The following FLOT1 variants were observed in gnomAD, a reference collection of about 807,000 sequenced individuals.
FLOT1 encodes the protein flotillin 1.
FLOT1 carries 40 observed loss-of-function variants against 58.4 expected under a neutral mutation model. The ratio of observed to expected loss-of-function variants is 0.69; its 90% CI spans 0.53 to 0.89. The LOEUF is 0.89. Ranked by LOEUF, FLOT1 falls within the 40% of genes least tolerant of loss-of-function variation. FLOT1 has a pLI of 0.00. For missense variants in FLOT1, 423 were observed against 540.8 expected (o/e 0.78, Z 2.16); for synonymous variants, 178 against 204.2 (o/e 0.87, Z 1.09).
Position 30,730,920 on chromosome 6 carries a change from T to C in FLOT1, c.904A>G (p.Lys302Glu). The C allele has an allele frequency of 1.2e-6, 2 of 1,611,066 alleles. No individual in the cohort carries two copies. The highest frequency in any genetic ancestry group is 1.7e-6 in the Non-Finnish European group (2 of 1,177,976). ...CAGGGTCAGGGAGGGGACATTTACT[T>C]CTCTGCCTCGGCTAGGCGCTCCAGC... The part of the protein sequence containing the change: ...YKLERLAEAE[K>E]SQLIMQAEAE... Residue 302 changes from lysine (K) to glutamate (E), a missense_variant and splice_region_variant, in exon 9 of 13, where the codon AAG becomes GAG. Physicochemically the swap from Lys to Glu is moderately conservative, Grantham distance 56. Coordinates refer to ENST00000376389, the MANE Select transcript of FLOT1 (RefSeq NM_005803.4).
At chr6:30,733,422 T>C (rs911452744) in intron 8 of FLOT1, among the ~76,000 whole-genome samples, 1 of 152,166 alleles carries the variant, frequency 6.6e-6, no homozygotes, top group Middle Eastern at 3.2e-3. Context: ...AAGGCATTCC[T>C]CCATGGTTTT....
Position 30,741,289 on chromosome 6 carries a change from A to G in FLOT1, c.255T>C (p.Cys85=). 1 of 1,613,076 alleles carries G rather than the reference A, an allele frequency of 6.2e-7. No homozygotes were observed. The highest frequency in any genetic ancestry group is 2.2e-5 in the East Asian group (1 of 44,876). Residue 85 remains cysteine, a synonymous_variant, in exon 5 of 13, where the codon TGT becomes TGC. Transcript: ENST00000376389. The surrounding 1 kb of genome is among the most constrained non-coding windows in gnomAD (Gnocchi z 5.9). ...CCTCCGTCTTCCCCAGGAACATCTG[A>G]CAGGCGGCCGCCAACATCTCCTTGT... ...GQNKEMLAAA[C]QMFLGKTEAE...
In FLOT1 at chr6:30,742,224, G is replaced by A. The variant is rs748747762; in HGVS notation, c.-14-21C>T. The A allele has an allele frequency of 4.4e-6, 7 of 1,583,190 alleles. No individual in the cohort carries two copies. The highest frequency in any genetic ancestry group is 6.1e-6 in the Non-Finnish European group (7 of 1,152,822). ...TGGAGCTGGAGGAGAGGGAGGGAAA[G>A]CCTTTGCGGATGGGGAAGGCGCGCT... On this transcript the variant is annotated intron_variant, in intron 1 of 12. Coordinates refer to ENST00000376389, the MANE Select transcript of FLOT1 (RefSeq NM_005803.4). The surrounding 1 kb of genome is among the most constrained non-coding windows in gnomAD (Gnocchi z 5.2).
intron 8 of FLOT1, among the ~76,000 whole-genome samples, chr6:30,732,892 C>T (rs1451170336): frequency 6.6e-6 from 1 of 152,186 alleles, no homozygotes; most frequent in Non-Finnish European, 1.5e-5. Context: ...TCACCTCTCT[C>T]CTGTGTCCCT....
At chr6:30,733,638 A>AGCTGAGG (rs1258947980) in intron 8 of FLOT1, among the ~76,000 whole-genome samples, 1 of 151,438 alleles carries the variant, frequency 6.6e-6, no homozygotes, top group African/African-American at 2.4e-5. Flanking sequence ...CTACTTGGGA[A>AGCTGAGG]GCTGAGGTAG....
intron 12 of FLOT1, among the ~76,000 whole-genome samples, chr6:30,728,462 C>T (rs369386939): frequency 6.7e-5 from 10 of 150,072 alleles, no homozygotes; most frequent in African/African-American, 2.0e-4. Flanking sequence ...TATTTACATA[C>T]GCTTTTTTTT....
At chr6:30,731,194 G>C in intron 8 of FLOT1, 94 bp from the exon 9 acceptor site, 8 of 1,333,034 alleles carry the variant, frequency 6.0e-6, no homozygotes, top group Non-Finnish European at 8.1e-6. Context: ...TATAAAAATA[G>C]GAGCCGGTGG....
rs1185138139 is a variant in FLOT1, at chr6:30,740,477, C to A, written c.570+19G>T. 6.2e-7 allele frequency: 1 copy of A among 1,610,082 alleles called. No homozygotes were observed. The highest frequency in any genetic ancestry group is 1.1e-5 in the South Asian group (1 of 90,978). On this transcript the variant is annotated intron_variant, in intron 7 of 12. Transcript: ENST00000376389. ...CACTTCTATCCCCTTTCCCACTAAG[C>A]AACCCCCATCTCTCTCACCCGGATC...
In FLOT1 at chr6:30,742,099, C is replaced by T. The variant is rs774867489; in HGVS notation, c.43+48G>A. 1 of 1,596,558 alleles carries T rather than the reference C, an allele frequency of 6.3e-7. No individual in the cohort carries two copies. Among genetic ancestry groups the T allele is most frequent in the Non-Finnish European group, 8.6e-7 (1 of 1,166,184 alleles). On this transcript the variant is annotated intron_variant, in intron 2 of 12. Coordinates refer to ENST00000376389, the MANE Select transcript of FLOT1 (RefSeq NM_005803.4). This position sits in a 1 kb window ranked among gnomAD's most constrained non-coding sequence, Gnocchi z 5.2. Reference sequence around the variant, plus strand: ...AGGGAGAAGGGGCAGAGGCCAGACTCACAGGGGTTCTGGGGTCACTGGCTG... The same window carrying T: ...AGGGAGAAGGGGCAGAGGCCAGACTTACAGGGGTTCTGGGGTCACTGGCTG...
rs1432791722 is a variant in FLOT1 at position 30,741,577 on chromosome 6, G to A, written c.210+37C>T. 1.4e-6 allele frequency: 2 copies of A among 1,473,128 alleles called. No individual in the cohort carries two copies. The highest frequency in any genetic ancestry group is 1.9e-6 in the Non-Finnish European group (2 of 1,053,116). 91.3% of individuals were successfully genotyped at this position (1,473,128 alleles called of 1,614,324 possible). ...AATGTCTGGGAGAGAGGGTGATGGG[G>A]AAGTGGACTGTGGGGAAAAGGCTCT... On this transcript the variant is annotated intron_variant, in intron 4 of 12. Transcript: ENST00000376389. The surrounding 1 kb of genome is among the most constrained non-coding windows in gnomAD (Gnocchi z 5.9).
intron 10 of FLOT1, 24 bp from the exon 11 acceptor site, chr6:30,730,589 G>A: frequency 6.2e-7 from 1 of 1,613,594 alleles, no homozygotes; most frequent in South Asian, 1.1e-5. Context: ...ATGCTTGTGA[G>A]ATTGACGGAA....
chr6:30,735,267 C>T (rs1777484474), intron 8 of FLOT1, among the ~76,000 whole-genome samples: 1 of 151,950 alleles, frequency 6.6e-6, no homozygotes, highest in Admixed American at 6.6e-5. Context: ...TAGGTCCTCA[C>T]CTGTGCTGGG....
At chr6:30,739,938 A>G (rs1777846795) in intron 8 of FLOT1, among the ~76,000 whole-genome samples, 1 of 152,254 alleles carries the variant, frequency 6.6e-6, no homozygotes, top group Non-Finnish European at 1.5e-5. Context: ...CTGGGATTAC[A>G]GGCATGAGTC....
intron 8 of FLOT1, 78 bp from the exon 9 acceptor site, chr6:30,731,178 G>A (rs1180372452): frequency 7.0e-6 from 10 of 1,426,594 alleles, no homozygotes; most frequent in Non-Finnish European, 9.4e-6. Flanking sequence ...GAGCTCCAGA[G>A]TGGGATATAA....
chr6:30,736,194 G>A (rs1355761370), intron 8 of FLOT1: 1 of 152,198 alleles, frequency 6.6e-6, no homozygotes, highest in Non-Finnish European at 1.5e-5. Context: ...TGAAGCTGTA[G>A]TGAGCTGAGA....
rs1160906464 is a variant in FLOT1 at position 30,740,735 on chromosome 6, C to A, written c.418G>T (p.Val140Phe). 1 of 1,612,918 alleles carries A rather than the reference C, an allele frequency of 6.2e-7. No homozygotes were observed. Residue 140 changes from valine (V) to phenylalanine (F), a missense_variant, in exon 6 of 13, where the codon GTC (valine) becomes TTC (phenylalanine). Physicochemically the swap from Val to Phe is conservative, Grantham distance 50. Transcript: ENST00000376389. ...CTAACCACACTGATGCCCATGTTGA[C>A]CAGGTCTGAGGAGGCCACTTTGAAA... ...QVFKVASSDL[V>F]NMGISVVSYT...
Position 30,741,717 on chromosome 6 carries a change from G to GA in FLOT1, c.120-14dup. Reference sequence around the variant, plus strand: ...GTTGAGAGAGATCCTAGGGGAAAAAGAAGGGACAGACAGTAAGAAGAGGAG... The same window carrying GA: ...GTTGAGAGAGATCCTAGGGGAAAAAGAAAGGGACAGACAGTAAGAAGAGGAG... On this transcript the variant is annotated splice_polypyrimidine_tract_variant and intron_variant, in intron 3 of 12. Transcript: ENST00000376389. This position sits in a 1 kb window ranked among gnomAD's most constrained non-coding sequence, Gnocchi z 5.9. 1 of 1,611,818 alleles carries GA rather than the reference G, an allele frequency of 6.2e-7. No individual in the cohort carries two copies. The highest frequency in any genetic ancestry group is 8.5e-7 in the Non-Finnish European group (1 of 1,178,906).
At position 30,728,062 on chromosome 6, in the gene FLOT1, G is replaced by A. The variant is rs1287960205; in HGVS notation, c.*54C>T. 6 of 1,558,048 alleles carry A rather than the reference G, an allele frequency of 3.9e-6. No homozygotes were observed. Among genetic ancestry groups the A allele is most frequent in the East Asian group, 2.2e-5 (1 of 44,638 alleles). ...GGCCAGTGGGTTACATGCAACAGGA[G>A]GATCATTCAGGCAACTTCAGCTATG... On this transcript the variant is annotated 3_prime_UTR_variant, in exon 13 of 13. Coordinates refer to ENST00000376389, the MANE Select transcript of FLOT1 (RefSeq NM_005803.4).
chr6:30,732,893 C>T (rs1362768104), intron 8 of FLOT1, among the ~76,000 whole-genome samples: 10 of 152,218 alleles, frequency 6.6e-5, no homozygotes, highest in Admixed American at 3.9e-4. Flanking sequence ...CACCTCTCTC[C>T]TGTGTCCCTT....
Sources: allele counts gnomAD v4.1 joint callset (sites outside exome capture counted in the v4.1 genomes callset), GRCh38; gene constraint gnomAD v4.1.1; non-coding constraint Gnocchi (gnomAD v3.1); transcripts MANE v1.5; gene names NCBI Gene and HGNC (gene_info 2026-07-23, HGNC 2026-07-21).